Variants in TRDN observed in about 807,000 individuals in gnomAD.
The protein encoded by TRDN is triadin.
TRDN carries 161 observed loss-of-function variants against 149.7 expected under a neutral mutation model. The ratio of observed to expected loss-of-function variants is 1.08; its 90% CI spans 0.95 to 1.23. The LOEUF is 1.23. Ranked by LOEUF, TRDN falls within the 50% of genes most tolerant of loss-of-function variation. The pLI is 0.00. For missense variants in TRDN, 896 were observed against 823.5 expected (o/e 1.09, Z -1.08); for synonymous variants, 294 against 250.5 (o/e 1.17, Z -1.64).
At chr6:123,546,283 C>T (rs544169935) in intron 4 of TRDN, among the ~76,000 whole-genome samples, 2 of 152,164 alleles carry the variant, frequency 1.3e-5, no homozygotes, top group African/African-American at 4.8e-5. Context: ...TTTCTGGATG[C>T]CTTTGCCATA....
intron 38 of TRDN, among the ~76,000 whole-genome samples, chr6:123,251,139 T>C (rs1303430786): frequency 6.6e-6 from 1 of 152,164 alleles, no homozygotes; most frequent in Non-Finnish European, 1.5e-5. Flanking sequence ...TTGCCATCAG[T>C]GGGACAATTT....
At chr6:123,468,458 G>A (rs13192696) in intron 9 of TRDN, among the ~76,000 whole-genome samples, 19,190 of 152,096 alleles carry the variant, frequency 0.13, 1,709 homozygotes, top group South Asian at 0.28. Flanking sequence ...ATTGTTCTGA[G>A]TTCTTTTCCA....
At chr6:123,310,168 TTTATCA>T (rs1227123363) in intron 24 of TRDN, among the ~76,000 whole-genome samples, 1 of 152,040 alleles carries the variant, frequency 6.6e-6, no homozygotes, top group East Asian at 1.9e-4. Flanking sequence ...GTAGTTCTTA[TTTATCA>T]TTTTTAGTGC....
chr6:123,238,439 G>A (rs998289819), intron 38 of TRDN, among the ~76,000 whole-genome samples: 2 of 151,896 alleles, frequency 1.3e-5, no homozygotes, highest in Admixed American at 6.6e-5. Context: ...AATCACTAAA[G>A]TAATAGAAAT....
intron 12 of TRDN, among the ~76,000 whole-genome samples, chr6:123,433,265 C>T (rs372797413): frequency 1.3e-5 from 2 of 149,886 alleles, no homozygotes; most frequent in African/African-American, 4.9e-5. Context: ...CTCAGAGAGG[C>T]CTGCTCTAAT....
At chr6:123,400,163 A>ATG (rs1200453418) in intron 12 of TRDN, among the ~76,000 whole-genome samples, 1 of 105,710 alleles carries the variant, frequency 9.5e-6, no homozygotes, top group East Asian at 3.5e-4. Flanking sequence ...AAGAATATGT[A>ATG]TGTGTATATA....
chr6:123,577,391 A>G (rs750010300), intron 1 of TRDN, among the ~76,000 whole-genome samples: 87 of 152,146 alleles, frequency 5.7e-4, no homozygotes, highest in Admixed American at 1.8e-3. Context: ...AAGTGAGAAC[A>G]TGCGATATTT....
At chr6:123,388,664 T>A in intron 13 of TRDN, 113 bp from the exon 14 acceptor site, 1 of 1,096,328 alleles carries the variant, frequency 9.1e-7, no homozygotes, top group Non-Finnish European at 1.3e-6. Context: ...ACCTATACAC[T>A]AATCAATTCA....
chr6:123,426,101 AACC>A (rs1774109356), intron 12 of TRDN, among the ~76,000 whole-genome samples: 1 of 152,092 alleles, frequency 6.6e-6, no homozygotes, highest in Admixed American at 6.6e-5. Flanking sequence ...TGAACATTGA[AACC>A]ACTGTATTGC....
chr6:123,485,094 A>T (rs144781254), intron 9 of TRDN, among the ~76,000 whole-genome samples: 21 of 152,316 alleles, frequency 1.4e-4, no homozygotes, highest in African/African-American at 4.8e-4. Flanking sequence ...TAGACTTCAT[A>T]TAATCAGAAA....
intron 12 of TRDN, among the ~76,000 whole-genome samples, chr6:123,416,499 T>G (rs1773654309): frequency 6.6e-6 from 1 of 152,184 alleles, no homozygotes; most frequent in African/African-American, 2.4e-5. Flanking sequence ...TAGCATCTCC[T>G]TAGACAGCCC....
chr6:123,425,259 GTGTGTGTGTGTGTGTGTGTA>G (rs1202153399), intron 12 of TRDN, among the ~76,000 whole-genome samples: 8 of 150,462 alleles, frequency 5.3e-5, no homozygotes, highest in African/African-American at 1.9e-4. Flanking sequence ...GTGTGTGTGT[GTGTGTGTGTGTGTGTGTGTA>G]TGTGTAGATG....
intron 1 of TRDN, among the ~76,000 whole-genome samples, chr6:123,602,433 G>T (rs571898108): frequency 1.9e-5 from 2 of 107,096 alleles, no homozygotes; most frequent in Non-Finnish European, 4.6e-5. Flanking sequence ...AGAGGGAAGG[G>T]TTGTAGGGGG....
intron 23 of TRDN, among the ~76,000 whole-genome samples, chr6:123,326,627 A>C (rs1779467143): frequency 6.6e-6 from 1 of 151,962 alleles, no homozygotes; most frequent in Non-Finnish European, 1.5e-5. Flanking sequence ...TAGTTTAGAT[A>C]GATTTCAGCT....
intron 3 of TRDN, among the ~76,000 whole-genome samples, 176 bp from the exon 4 acceptor site, chr6:123,547,548 C>T (rs1430063354): frequency 6.6e-6 from 1 of 151,826 alleles, no homozygotes; most frequent in East Asian, 1.9e-4. Flanking sequence ...TGTTTATATA[C>T]ATTTATATAA....
intron 38 of TRDN, among the ~76,000 whole-genome samples, chr6:123,231,064 A>G (rs1392331930): frequency 3.3e-5 from 5 of 152,014 alleles, no homozygotes. Context: ...ACACATTTTA[A>G]AAAGTGTTGA....
intron 38 of TRDN, among the ~76,000 whole-genome samples, chr6:123,239,455 T>C (rs747260967): frequency 1.1e-4 from 16 of 152,124 alleles, no homozygotes; most frequent in Non-Finnish European, 1.9e-4. Context: ...AAAGACACAA[T>C]CTTCTCAATC....
At position 123,337,567 on chromosome 6, in the gene TRDN, A is replaced by T. The variant is rs529718922; in HGVS notation, c.1420+52T>A. ...GCAGCTAATGTACTGTGTTCTCAAT[A>T]ATATATATTTCCTAATAAATTTGTA... On this transcript the variant is annotated intron_variant, in intron 22 of 40. Coordinates refer to ENST00000334268, the MANE Select transcript of TRDN (RefSeq NM_006073.4). 1.6e-4 allele frequency: 148 copies of T among 931,610 alleles called. No homozygotes were observed. The East Asian group carries it at 3.9e-3, about 24-fold the overall frequency. The allele number at this position is 931,610 out of a possible 1,614,324, so 57.7% of individuals were successfully genotyped here.
At chr6:123,501,180 A>G (rs1186986490) in intron 8 of TRDN, among the ~76,000 whole-genome samples, 2 of 152,120 alleles carry the variant, frequency 1.3e-5, no homozygotes, top group African/African-American at 4.8e-5. Context: ...CAATATTGAG[A>G]GTAACTACAT....
Sources: allele counts gnomAD v4.1 joint callset (sites outside exome capture counted in the v4.1 genomes callset), GRCh38; gene constraint gnomAD v4.1.1; transcripts MANE v1.5; gene names NCBI Gene and HGNC (gene_info 2026-07-23, HGNC 2026-07-21).